Variants in ETV5 observed in about 807,000 individuals in gnomAD.
ETV5 encodes ETS variant transcription factor 5.
In ETV5, 10 loss-of-function variants were observed where a neutral mutation model predicts 70.0. The observed-to-expected ratio is 0.14, with a 90% CI of 0.09 to 0.24. The LOEUF (loss-of-function observed/expected upper bound fraction) is 0.24. Among genes scored for constraint, ETV5 ranks in the 10% least tolerant of loss-of-function variants. ETV5 has a pLI of 1.00. For synonymous variants in ETV5, 216 were observed against 242.2 expected, an observed-to-expected ratio of 0.89 and a Z score of 1.01; for missense variants, 453 against 651.2, an observed-to-expected ratio of 0.70 and a Z score of 3.31.
At chr3:186,088,752 C>T (rs938335496) in intron 5 of ETV5, among the ~76,000 whole-genome samples, 1 of 152,126 alleles carries the variant, frequency 6.6e-6, no homozygotes, top group African/African-American at 2.4e-5. Context: ...CCTGATTTGC[C>T]CTTAACTTGT....
intron 5 of ETV5, among the ~76,000 whole-genome samples, chr3:186,085,506 C>T (rs1014608362): frequency 2.9e-5 from 4 of 137,390 alleles, no homozygotes; most frequent in Non-Finnish European, 6.1e-5. Context: ...CAGTAGCCTT[C>T]GTTTTTTTTT....
Position 186,081,742 on chromosome 3 carries a change from T to C in ETV5, c.233-567A>G, listed in dbSNP as rs373490299. 2.2e-4 allele frequency among the ~76,000 whole-genome samples: 33 copies of C among 152,266 alleles called. 1 individual carries two copies. Among genetic ancestry groups the C allele is most frequent in the African/African-American group, 7.9e-4 (33 of 41,542 alleles). On this transcript the variant is annotated intron_variant, in intron 5 of 12. Transcript: ENST00000306376. ...TCAACTTTAGAGGCATTCCAAAAAT[T>C]TTAAAAGCAAAGGAATAAAACAACA...
intron 5 of ETV5, among the ~76,000 whole-genome samples, chr3:186,097,007 C>A (rs1714319280): frequency 6.6e-6 from 1 of 152,132 alleles, no homozygotes; most frequent in South Asian, 2.1e-4. Flanking sequence ...CCCCAGCACA[C>A]CCGCTTGGCC....
intron 11 of ETV5, among the ~76,000 whole-genome samples, chr3:186,055,969 G>A (rs5001711): frequency 1 from 152,379 of 152,380 alleles, 76,189 homozygotes; most frequent in Non-Finnish European, 1. Context: ...TAAAAGAAGC[G>A]TATGTCAGTT....
At chr3:186,093,324 C>A (rs1714228514) in intron 5 of ETV5, among the ~76,000 whole-genome samples, 1 of 152,068 alleles carries the variant, frequency 6.6e-6, no homozygotes, top group Non-Finnish European at 1.5e-5. Flanking sequence ...CATTCTCACA[C>A]TGTTAAAAAT....
chr3:186,082,663 C>G (rs1367298963), intron 5 of ETV5, among the ~76,000 whole-genome samples: 3 of 152,214 alleles, frequency 2.0e-5, no homozygotes, highest in Non-Finnish European at 4.4e-5. Context: ...TTGTGATCCA[C>G]CCACCTTGGC....
chr3:186,064,013 C>T (rs181814499), intron 9 of ETV5, among the ~76,000 whole-genome samples: 1 of 152,308 alleles, frequency 6.6e-6, no homozygotes, highest in Non-Finnish European at 1.5e-5. Flanking sequence ...GACATAACTC[C>T]TAAATTCCAG....
chr3:186,094,706 A>C (rs1199518626), intron 5 of ETV5, among the ~76,000 whole-genome samples: 3 of 152,244 alleles, frequency 2.0e-5, no homozygotes, highest in African/African-American at 7.2e-5. Flanking sequence ...CTCAAGTATT[A>C]GCACATACGG....
Position 186,047,968 on chromosome 3 carries a change from G to A in ETV5, c.*671C>T, listed in dbSNP as rs1162391031. 4.3e-6 allele frequency: 1 copy of A among 233,232 alleles called. No individual in the cohort carries two copies. Among genetic ancestry groups the A allele is most frequent in the Non-Finnish European group, 8.5e-6 (1 of 117,900 alleles). 14.4% of individuals were successfully genotyped at this position (233,232 alleles called of 1,614,324 possible). On this transcript the variant is annotated 3_prime_UTR_variant, in exon 13 of 13. Transcript: ENST00000306376. Reference sequence around the variant, plus strand: ...ATAAAAGTCATCCACACTCAGCCACGTGATTGGGAAGAGAAAGGGGGCTTG... The same window carrying A: ...ATAAAAGTCATCCACACTCAGCCACATGATTGGGAAGAGAAAGGGGGCTTG...
intron 7 of ETV5, chr3:186,078,933 C>T: frequency 2.5e-6 from 1 of 393,934 alleles, no homozygotes; most frequent in Non-Finnish European, 3.8e-6. Context: ...TGGAATGGAC[C>T]AGGCCTGGGA....
chr3:186,108,676 G>A, intron 1 of ETV5: 1 of 1,160,182 alleles, frequency 8.6e-7, no homozygotes, highest in Non-Finnish European at 1.1e-6. Context: ...CTCGCGCTCC[G>A]GGGCGCCTCC....
intron 9 of ETV5, among the ~76,000 whole-genome samples, chr3:186,058,171 A>G (rs935715658): frequency 2.0e-5 from 3 of 149,062 alleles, no homozygotes; most frequent in African/African-American, 7.8e-5. Flanking sequence ...AAATAAAAGA[A>G]GGCAAGGCAA....
At chr3:186,078,008 C>T (rs1713838543) in intron 7 of ETV5, 1 of 1,060,062 alleles carries the variant, frequency 9.4e-7, no homozygotes, top group South Asian at 4.6e-5. Flanking sequence ...TTCTGGTTCC[C>T]TCCTCTCTTC....
chr3:186,086,799 G>C, intron 5 of ETV5, among the ~76,000 whole-genome samples: 1 of 122,336 alleles, frequency 8.2e-6, no homozygotes, highest in Non-Finnish European at 1.7e-5. Context: ...TCTACAAAAA[G>C]ATACGAAAAA....
chr3:186,055,465 T>C (rs1578536991), intron 11 of ETV5, among the ~76,000 whole-genome samples: 1 of 152,272 alleles, frequency 6.6e-6, no homozygotes, highest in East Asian at 1.9e-4. Context: ...AAAAAACACG[T>C]AGGCACTAAA....
At chr3:186,084,844 C>A (rs142946573) in intron 5 of ETV5, among the ~76,000 whole-genome samples, 1 of 152,230 alleles carries the variant, frequency 6.6e-6, no homozygotes, top group Non-Finnish European at 1.5e-5. Flanking sequence ...AAGGCATAAA[C>A]CTTTTTTTCA....
Position 186,081,032 on chromosome 3 carries a change from T to A in ETV5, c.362+14A>T. 6.2e-7 allele frequency: 1 copy of A among 1,603,360 alleles called. No individual in the cohort carries two copies. Among genetic ancestry groups the A allele is most frequent in the Non-Finnish European group, 8.5e-7 (1 of 1,174,108 alleles). ...TTCTGGGCAGCCTTTCTTCGACTCC[T>A]CTTGCCCACTCACCAATAGTTGTAG... On this transcript the variant is annotated intron_variant, in intron 6 of 12. Transcript: ENST00000306376.
intron 5 of ETV5, among the ~76,000 whole-genome samples, chr3:186,103,420 A>C (rs1261280174): frequency 6.6e-6 from 1 of 152,324 alleles, no homozygotes. Context: ...GAATGCAGCC[A>C]TCTCATCTCC....
At chr3:186,107,624 G>C (rs888675015) in intron 1 of ETV5, among the ~76,000 whole-genome samples, 4 of 152,196 alleles carry the variant, frequency 2.6e-5, no homozygotes, top group African/African-American at 9.6e-5. Context: ...TGAAGGAAAG[G>C]CTCGAGTTCA....
Sources: allele counts gnomAD v4.1 joint callset (sites outside exome capture counted in the v4.1 genomes callset), GRCh38; gene constraint gnomAD v4.1.1; transcripts MANE v1.5; gene names NCBI Gene and HGNC (gene_info 2026-07-23, HGNC 2026-07-21).